ERCC6L2: variants seen among roughly 807,000 people sequenced by gnomAD.
The protein encoded by ERCC6L2 is ERCC excision repair 6 like 2, also known as DNA excision repair protein ERCC-6-like 2.
Under a neutral mutation model 132.0 loss-of-function variants are expected in ERCC6L2, and 77 were observed. The observed-to-expected ratio is 0.58, with a 90% CI of 0.49 to 0.71. ERCC6L2 has a LOEUF of 0.71. Among genes scored for constraint, ERCC6L2 ranks in the 30% least tolerant of loss-of-function variants. The probability of loss-of-function intolerance (pLI) is 0.00; values close to 1 mark genes in which losing one functional copy is unlikely to be tolerated. For synonymous variants in ERCC6L2, 583 were observed against 632.4 expected (o/e 0.92, Z 1.17); for missense variants, 1,542 against 1,837.6 (o/e 0.84, Z 2.94).
chr9:95,931,104 GC>G (rs1830318684), intron 11 of ERCC6L2, among the ~76,000 whole-genome samples: 1 of 152,198 alleles, frequency 6.6e-6, no homozygotes, highest in Non-Finnish European at 1.5e-5. Flanking sequence ...TTTGGTCAAT[GC>G]AAGATCAGTC....
At chr9:95,916,177 G>T (rs970814120) in intron 5 of ERCC6L2, 50 bp from the exon 6 acceptor site, 28 of 1,514,442 alleles carry the variant, frequency 1.8e-5, no homozygotes, top group Non-Finnish European at 2.5e-5. Flanking sequence ...CAAGAAGTTA[G>T]TGTTTTTAGA....
intron 12 of ERCC6L2, among the ~76,000 whole-genome samples, chr9:95,943,427 A>G (rs369098803): frequency 6.6e-6 from 1 of 152,130 alleles, no homozygotes. Flanking sequence ...ATTACCTGGT[A>G]CAATTTTCAA....
chr9:95,878,215 A>G (rs1246261080), intron 1 of ERCC6L2, among the ~76,000 whole-genome samples: 3 of 152,156 alleles, frequency 2.0e-5, no homozygotes, highest in Non-Finnish European at 4.4e-5. Context: ...CCATTTGTTT[A>G]TGTATTGTCT....
chr9:95,892,832 A>T (rs948790498), intron 2 of ERCC6L2, among the ~76,000 whole-genome samples: 2 of 152,030 alleles, frequency 1.3e-5, no homozygotes, highest in African/African-American at 4.8e-5. Context: ...TGAATTGACC[A>T]TTTTTTTACT....
intron 17 of ERCC6L2, among the ~76,000 whole-genome samples, chr9:95,996,210 C>T (rs1339418851): frequency 6.6e-6 from 1 of 152,178 alleles, no homozygotes; most frequent in Non-Finnish European, 1.5e-5. Context: ...TTGTAGTGGT[C>T]TGGATCAAAG....
intron 13 of ERCC6L2, among the ~76,000 whole-genome samples, chr9:95,960,547 G>A (rs186121496): frequency 1.3e-5 from 2 of 152,126 alleles, no homozygotes; most frequent in Admixed American, 6.6e-5. Flanking sequence ...AACCACAGAG[G>A]CATTGATTGG....
At chr9:95,907,854 CA>C (rs1829140642) in intron 4 of ERCC6L2, among the ~76,000 whole-genome samples, 1 of 149,840 alleles carries the variant, frequency 6.7e-6, no homozygotes, top group Admixed American at 6.7e-5. Context: ...CACACACACA[CA>C]CCCCCACACC....
chr9:95,996,296 G>C (rs1393292616), intron 17 of ERCC6L2, among the ~76,000 whole-genome samples: 1 of 152,242 alleles, frequency 6.6e-6, no homozygotes, highest in Non-Finnish European at 1.5e-5. Context: ...GCTGAGAGAG[G>C]TGAGAAAGCT....
At position 95,880,965 on chromosome 9, in the gene ERCC6L2, G is replaced by GC. The variant is rs1302746951; in HGVS notation, c.144dup (p.Lys49GlnfsTer19). On this transcript the variant is annotated frameshift_variant, in exon 2 of 19. Transcript: ENST00000653738. LOFTEE classifies it high-confidence loss of function. The stretch of plus-strand genomic sequence containing the variant: ...AAATCTATCACAGTGGATGAAAATG[G>GC]CAAGTCATTTGCAGTCGTCTTATAT... 1 of 1,613,824 alleles carries GC rather than the reference G, an allele frequency of 6.2e-7. No individual in the cohort carries two copies. Among genetic ancestry groups the GC allele is most frequent in the African/African-American group, 1.3e-5 (1 of 74,914 alleles).
At chr9:96,026,949 ACAC>A (rs1478516346) in intron 19 of ERCC6L2, among the ~76,000 whole-genome samples, 1 of 139,376 alleles carries the variant, frequency 7.2e-6, no homozygotes, top group African/African-American at 2.7e-5. Flanking sequence ...ACAACACACT[ACAC>A]CAAACACACC....
chr9:95,892,292 G>A (rs915152517), intron 2 of ERCC6L2, among the ~76,000 whole-genome samples: 3 of 151,266 alleles, frequency 2.0e-5, no homozygotes, highest in African/African-American at 7.3e-5. Flanking sequence ...AGGGACCTAG[G>A]GAGAAGGATT....
intron 2 of ERCC6L2, among the ~76,000 whole-genome samples, chr9:95,896,883 G>A (rs965336186): frequency 6.6e-6 from 1 of 152,142 alleles, no homozygotes. Flanking sequence ...TCTTGAATCT[G>A]TGGCTTGATT....
chr9:95,947,743 T>C (rs1831130299), intron 12 of ERCC6L2, among the ~76,000 whole-genome samples: 2 of 152,190 alleles, frequency 1.3e-5, no homozygotes, highest in South Asian at 4.1e-4. Context: ...CCGAAAATCT[T>C]AGGGCCTTTA....
chr9:95,944,479 C>T (rs760364730), intron 12 of ERCC6L2, among the ~76,000 whole-genome samples: 2 of 152,066 alleles, frequency 1.3e-5, no homozygotes, highest in East Asian at 1.9e-4. Flanking sequence ...TACTTAATCC[C>T]GTTGCACTGT....
intron 13 of ERCC6L2, among the ~76,000 whole-genome samples, chr9:95,962,693 A>C (rs1831965751): frequency 6.6e-6 from 1 of 152,124 alleles, no homozygotes; most frequent in Non-Finnish European, 1.5e-5. Flanking sequence ...GGTTCAACTT[A>C]ATGTTTTTCA....
Position 96,002,296 on chromosome 9 carries a change from G to T in ERCC6L2, c.3493-2224G>T, listed in dbSNP as rs530914660. 3.9e-5 allele frequency among the ~76,000 whole-genome samples: 6 copies of T among 152,292 alleles called. No individual in the cohort carries two copies. In the East Asian group the frequency reaches 1.2e-3, roughly 29 times the overall value. On this transcript the variant is annotated intron_variant, in intron 17 of 18. Coordinates refer to ENST00000653738, the MANE Select transcript of ERCC6L2 (RefSeq NM_020207.7). The stretch of plus-strand genomic sequence containing the variant: ...CTGTCACCTCTCAATAGTTTAACTG[G>T]GTATAGAATTCTAGGTTGCCAGGGT...
chr9:95,936,064 T>C (rs1346124915), intron 11 of ERCC6L2, among the ~76,000 whole-genome samples: 2 of 152,072 alleles, frequency 1.3e-5, no homozygotes, highest in African/African-American at 2.4e-5. Context: ...TGCAATCTAA[T>C]AACAGCTCTG....
chr9:96,019,314 C>A (rs1053703368), downstream of ERCC6L2, among the ~76,000 whole-genome samples: 1 of 152,112 alleles, frequency 6.6e-6, no homozygotes, highest in Non-Finnish European at 1.5e-5. Flanking sequence ...AATATAAATG[C>A]CAGGATGCAC....
chr9:95,908,830 CAAAGTCAACCG>C (rs1169800788), intron 4 of ERCC6L2, among the ~76,000 whole-genome samples: 2 of 152,068 alleles, frequency 1.3e-5, no homozygotes, highest in African/African-American at 4.8e-5. Context: ...GATATTCCCC[CAAAGTCAACCG>C]AAGTTTAGAA....
Sources: allele counts gnomAD v4.1 joint callset (sites outside exome capture counted in the v4.1 genomes callset), GRCh38; gene constraint gnomAD v4.1.1; transcripts MANE v1.5; gene names NCBI Gene and HGNC (gene_info 2026-07-23, HGNC 2026-07-21).